Variants in ZNF124 observed in about 807,000 individuals in gnomAD.
ZNF124 encodes the protein zinc finger protein HZF-16.
In ZNF124, 25 loss-of-function variants were observed where a neutral mutation model predicts 26.6. The observed-to-expected ratio is 0.94, with a 90% confidence interval of 0.68 to 1.31. The LOEUF (loss-of-function observed/expected upper bound fraction) is 1.31. Among genes scored for constraint, ZNF124 ranks in the 40% most tolerant of loss-of-function variants. The pLI is 0.00. For synonymous variants in ZNF124, 129 were observed against 133.3 expected (o/e 0.97, Z 0.22); for missense variants, 444 against 422.2 (o/e 1.05, Z -0.45).
Position 247,157,312 on chromosome 1 carries a change from G to A in ZNF124, c.310C>T (p.Leu104Phe), listed in dbSNP as rs1267182984. 26 of 1,589,666 alleles carry A rather than the reference G, an allele frequency of 1.6e-5. No homozygotes were observed. Among genetic ancestry groups the A allele is most frequent in the Non-Finnish European group, 2.1e-5 (24 of 1,166,306 alleles). ...TCTCTGTGAACCCTTGTGACAGAAAGGGAAGTTTTCTGACATTGTTTACAT... is the reference window on the plus strand; with the variant it reads ...TCTCTGTGAACCCTTGTGACAGAAAAGGAAGTTTTCTGACATTGTTTACAT... Reference protein sequence around the residue: ...CTCKQCQKTSLSVTRVHRDTV... With the variant: ...CTCKQCQKTSFSVTRVHRDTV... Residue 104 changes from leucine to phenylalanine, a missense_variant, in exon 4 of 4, where the codon CTT (leucine) becomes TTT (phenylalanine). Transcript: ENST00000543802.
intron 2 of ZNF124, 88 bp downstream of exon 2, chr1:247,159,599 T>C: frequency 6.9e-7 from 1 of 1,441,538 alleles, no homozygotes; most frequent in Non-Finnish European, 9.6e-7. Flanking sequence ...AGTGTTCCCT[T>C]TGTACATTCC....
intron 3 of ZNF124, among the ~76,000 whole-genome samples, chr1:247,134,064 C>T (rs750286970): frequency 7.2e-5 from 11 of 152,092 alleles, no homozygotes; most frequent in African/African-American, 1.2e-4. Context: ...TGAAGGATTT[C>T]GTTACTACCA....
chr1:247,163,316 G>C (rs201034634), intron 1 of ZNF124, among the ~76,000 whole-genome samples: 2 of 139,078 alleles, frequency 1.4e-5, no homozygotes, highest in Non-Finnish European at 3.1e-5. Context: ...AAATTGAAGA[G>C]AGAGAGAAAA....
intron 3 of ZNF124, among the ~76,000 whole-genome samples, chr1:247,124,212 T>C (rs1391996413): frequency 6.6e-6 from 1 of 151,682 alleles, no homozygotes; most frequent in Non-Finnish European, 1.5e-5. Flanking sequence ...TTGTGGCTTT[T>C]TTTTTTTTTG....
exon 4 of ZNF124, chr1:247,122,346 T>C (rs1672102187): frequency 6.6e-6 from 1 of 152,208 alleles, no homozygotes; most frequent in South Asian, 2.1e-4. Context: ...TTAGGTGGCA[T>C]TAAAACCATA....
At position 247,147,837 on chromosome 1, in the gene ZNF124, T is replaced by G. The variant is rs537791433; in HGVS notation, c.218+11169A>C. On this transcript the variant is annotated intron_variant, in intron 3 of 3. Transcript: ENST00000472531. ...CATACAACAAAATTCTAACTGTAAA[T>G]TTTGGTGTAGAAACACAAGAAGACA... 4.6e-5 allele frequency among the ~76,000 whole-genome samples: 7 copies of G among 151,928 alleles called. No individual in the cohort carries two copies. The East Asian group carries it at 1.2e-3, about 25-fold the overall frequency.
chr1:247,148,912 G>A (rs1672855578), intron 3 of ZNF124, among the ~76,000 whole-genome samples: 1 of 151,974 alleles, frequency 6.6e-6, no homozygotes, highest in Non-Finnish European at 1.5e-5. Flanking sequence ...GGAGCTTGCA[G>A]TGAGCCGAAA....
intron 1 of ZNF124, among the ~76,000 whole-genome samples, chr1:247,166,324 CAG>C (rs1673777090): frequency 6.6e-6 from 1 of 152,194 alleles, no homozygotes; most frequent in South Asian, 2.1e-4. Flanking sequence ...GAAATTAAAA[CAG>C]AACTCCCATT....
intron 1 of ZNF124, among the ~76,000 whole-genome samples, chr1:247,166,572 C>G (rs1673791178): frequency 6.6e-6 from 1 of 152,074 alleles, no homozygotes; most frequent in Non-Finnish European, 1.5e-5. Flanking sequence ...AATACATATA[C>G]AATAAGAGTA....
At chr1:247,125,928 A>T (rs1161070244) in intron 3 of ZNF124, among the ~76,000 whole-genome samples, 1 of 152,036 alleles carries the variant, frequency 6.6e-6, no homozygotes, top group Non-Finnish European at 1.5e-5. Context: ...TCACTGGGGA[A>T]AAAAAGTAAA....
chr1:247,164,325 G>C (rs1020653696), intron 1 of ZNF124, among the ~76,000 whole-genome samples: 1 of 152,134 alleles, frequency 6.6e-6, no homozygotes, highest in Non-Finnish European at 1.5e-5. Flanking sequence ...AAACTTCTCT[G>C]TTTGCAAATG....
In ZNF124 at chr1:247,160,051, T is replaced by C. The variant is rs1159095449; in HGVS notation, c.31-238A>G. 2.7e-5 allele frequency among the ~76,000 whole-genome samples: 4 copies of C among 145,660 alleles called. No individual in the cohort carries two copies. The Admixed American group carries it at 2.9e-4, about 10-fold the overall frequency. On this transcript the variant is annotated intron_variant, in intron 1 of 3. Transcript: ENST00000543802. ...GCCAGGCTGGAGTGCAGTGGCACCG[T>C]CTCAGCTCACTGCAATCTTCGCCTC...
At position 247,133,653 on chromosome 1, in the gene ZNF124, C is replaced by CTTTT. The variant is rs1163588323; in HGVS notation, c.219-9786_219-9783dup. ...CAATATTCAATCAATATTCAATATTCTTTTTTTTTTTTTTTTTTGAGATGG... is the reference window on the plus strand; with the variant it reads ...CAATATTCAATCAATATTCAATATTCTTTTTTTTTTTTTTTTTTTTTTGAGATGG... On this transcript the variant is annotated intron_variant, in intron 3 of 3. Coordinates refer to the ZNF124 transcript ENST00000472531. 5.3e-4 allele frequency among the ~76,000 whole-genome samples: 67 copies of CTTTT among 127,176 alleles called. 2 individuals carry two copies. The highest frequency in any genetic ancestry group is 1.9e-3 in the African/African-American group (61 of 32,558). The allele number at this position is 127,176 out of a possible 152,430, so 83.4% of individuals were successfully genotyped here.
chr1:247,158,829 G>T (rs989111450), intron 3 of ZNF124, among the ~76,000 whole-genome samples, 177 bp downstream of exon 3: 2 of 151,972 alleles, frequency 1.3e-5, no homozygotes, highest in African/African-American at 4.8e-5. Flanking sequence ...GGTTTTTGCC[G>T]TGTTGGTCAG....
chr1:247,164,567 A>G (rs1317826267), intron 1 of ZNF124, among the ~76,000 whole-genome samples: 1 of 151,988 alleles, frequency 6.6e-6, no homozygotes, highest in Non-Finnish European at 1.5e-5. Flanking sequence ...GATCTCTACA[A>G]TGAGTTACAA....
intron 3 of ZNF124, 125 bp downstream of exon 3, chr1:247,158,881 A>T (rs945647911): frequency 2.4e-6 from 2 of 824,824 alleles, no homozygotes; most frequent in Non-Finnish European, 3.8e-6. Flanking sequence ...CGCCCACCTC[A>T]GCATCCCAAA....
rs1673198657 is a variant in ZNF124 at position 247,157,191 on chromosome 1, T to C, written c.431A>G (p.His144Arg). Residue 144 changes from histidine (H) to arginine (R), a missense_variant, in exon 4 of 4, where the codon CAC becomes CGC. By Grantham distance (29) the His-to-Arg change is conservative. Transcript: ENST00000543802. Reference protein sequence around the residue: ...PSSFQIHQRNHTGEKPYECME... With the variant: ...PSSFQIHQRNRTGEKPYECME... ...ACATTCATAGGGTTTCTCTCCAGTG[T>C]GATTTCTCTGATGTATCTGAAATGA... is the stretch of plus-strand genomic sequence containing the variant. 6 of 1,613,984 alleles carry C rather than the reference T, an allele frequency of 3.7e-6. No homozygotes were observed. Among genetic ancestry groups the C allele is most frequent in the Non-Finnish European group, 4.2e-6 (5 of 1,179,920 alleles).
downstream of ZNF124, among the ~76,000 whole-genome samples, chr1:247,153,897 A>C (rs1234180450): frequency 6.6e-6 from 1 of 152,168 alleles, no homozygotes; most frequent in African/African-American, 2.4e-5. Context: ...GGATAATATA[A>C]AGTGATTATT....
At chr1:247,160,887 T>C (rs1410358958) in intron 1 of ZNF124, among the ~76,000 whole-genome samples, 1 of 152,210 alleles carries the variant, frequency 6.6e-6, no homozygotes, top group Non-Finnish European at 1.5e-5. Context: ...TAATTAACAC[T>C]AATAATCAAT....
Sources: gnomAD v4.1 joint callset for allele counts (sites outside exome capture counted in the v4.1 genomes callset) on GRCh38, gnomAD v4.1.1 for gene constraint, MANE v1.5 for transcripts, NCBI Gene and HGNC (gene_info 2026-07-23, HGNC 2026-07-21) for gene names.